The following TLDC2 variants were observed in gnomAD, a reference collection of about 807,000 sequenced individuals.
TLDC2 encodes the protein TBC/LysM-associated domain containing 2.
In TLDC2, 23 loss-of-function variants were observed where a neutral mutation model predicts 27.9. The ratio of observed to expected loss-of-function variants is 0.82; its 90% CI spans 0.59 to 1.17. The LOEUF (loss-of-function observed/expected upper bound fraction) is 1.17. Among genes scored for constraint, TLDC2 ranks in the 50% most tolerant of loss-of-function variants. The pLI is 0.00. For missense variants in TLDC2, 286 were observed against 273.4 expected (o/e 1.05, Z -0.32); for synonymous variants, 124 against 107.4 (o/e 1.16, Z -0.96).
Position 36,892,944 on chromosome 20 carries a change from A to G in TLDC2, c.*100A>G, listed in dbSNP as rs770049426. 1 of 1,614,044 alleles carries G rather than the reference A, an allele frequency of 6.2e-7. No individual in the cohort carries two copies. Among genetic ancestry groups the G allele is most frequent in the South Asian group, 1.1e-5 (1 of 91,058 alleles). ...TGACTACAGACATTCACATTGGGTC[A>G]TCTTTAAAAAGCTGGACTCTGCTTT... is the stretch of plus-strand genomic sequence containing the variant. On this transcript the variant is annotated 3_prime_UTR_variant, in exon 7 of 7. Transcript: ENST00000217320.
In TLDC2 at chr20:36,893,256, C is replaced by T. The variant is rs16986361; in HGVS notation, c.*412C>T. The T allele has an allele frequency of 4.8e-3, 3,229 of 670,522 alleles. 78 individuals carry two copies. The African/African-American group carries it at 0.052, about 11-fold the overall frequency. 41.5% of individuals were successfully genotyped at this position (670,522 alleles called of 1,614,324 possible). A position where few individuals can be genotyped will look rare whatever the true frequency, so the allele number is the denominator to read the frequency against. Reference sequence around the variant, plus strand: ...GCAAATTAGAAACACTACAGTCTTACGCAGGAAGAGCCTTCATGAAAACAG... The same window carrying T: ...GCAAATTAGAAACACTACAGTCTTATGCAGGAAGAGCCTTCATGAAAACAG... On this transcript the variant is annotated 3_prime_UTR_variant, in exon 7 of 7. Transcript: ENST00000217320.
At chr20:36,884,705 C>T (rs1989882875) in intron 4 of TLDC2, among the ~76,000 whole-genome samples, 1 of 141,700 alleles carries the variant, frequency 7.1e-6, no homozygotes, top group South Asian at 2.1e-4. Context: ...CTGCAGTGAG[C>T]TGTCATTGCT....
chr20:36,881,080 G>T (rs1989804514), intron 4 of TLDC2, among the ~76,000 whole-genome samples: 1 of 152,190 alleles, frequency 6.6e-6, no homozygotes, highest in Non-Finnish European at 1.5e-5. Context: ...CACAGCCAAT[G>T]GCTTCTCAGG....
intron 4 of TLDC2, among the ~76,000 whole-genome samples, chr20:36,881,600 A>G (rs1332315913): frequency 6.6e-6 from 1 of 152,222 alleles, no homozygotes; most frequent in East Asian, 1.9e-4. Context: ...CAGAGGGGAC[A>G]GCAGAGAGTG....
At chr20:36,881,409 G>A (rs1038454503) in intron 4 of TLDC2, among the ~76,000 whole-genome samples, 1 of 151,984 alleles carries the variant, frequency 6.6e-6, no homozygotes, top group Non-Finnish European at 1.5e-5. Flanking sequence ...TATGGGGTGA[G>A]GTCATTGCTG....
chr20:36,877,298 T>C (rs1989692195), intron 1 of TLDC2, among the ~76,000 whole-genome samples: 1 of 151,410 alleles, frequency 6.6e-6, no homozygotes, highest in Non-Finnish European at 1.5e-5. Context: ...AGAGAATTGC[T>C]TTAACCTGGG....
chr20:36,876,431 C>T lies in TLDC2; in HGVS notation c.33+224C>T, dbSNP rs144072439. Among the ~76,000 whole-genome samples the T allele has an allele frequency of 9.3e-3, 1,421 of 152,340 alleles. 7 individuals are homozygous for T. Among genetic ancestry groups the T allele is most frequent in the Middle Eastern group, 0.031 (9 of 294 alleles). ...AAGGGGGACAGACCGATGTCTCTGT[C>T]CCTTCCTCCCTGGAGTGGGTGCTGG... On this transcript the variant is annotated intron_variant, in intron 1 of 6. Transcript: ENST00000217320.
chr20:36,893,037 T>C lies in TLDC2; in HGVS notation c.*193T>C, dbSNP rs766253283. On this transcript the variant is annotated 3_prime_UTR_variant, in exon 7 of 7. Transcript: ENST00000217320. Reference sequence around the variant, plus strand: ...TGTCGTTCCATTCCTTTTTTTGAGGTGTTATGAGTGGGGCTATAACATCGC... The same window carrying C: ...TGTCGTTCCATTCCTTTTTTTGAGGCGTTATGAGTGGGGCTATAACATCGC... 6.2e-7 allele frequency: 1 copy of C among 1,613,866 alleles called. No individual in the cohort carries two copies. Among genetic ancestry groups the C allele is most frequent in the South Asian group, 1.1e-5 (1 of 91,064 alleles).
rs570535296 is a variant in TLDC2 at position 36,892,828 on chromosome 20, C to G, written c.*18-34C>G. ...TCAGCATGCGTGTACATTCAAAATA[C>G]AAAATTAAAGCATGAGTTGTCATTA... On this transcript the variant is annotated intron_variant, in intron 6 of 6. Transcript: ENST00000217320. The G allele has an allele frequency of 2.4e-5, 35 of 1,469,142 alleles. No individual in the cohort carries two copies. The highest frequency in any genetic ancestry group is 3.1e-5 in the Non-Finnish European group (32 of 1,048,244). The allele number at this position is 1,469,142 out of a possible 1,614,324, so 91.0% of individuals were successfully genotyped here. A position where few individuals can be genotyped will look rare whatever the true frequency, so the allele number is the denominator to read the frequency against.
chr20:36,892,395 T>C (rs1990098092), intron 6 of TLDC2: 1 of 192,474 alleles, frequency 5.2e-6, no homozygotes, highest in Non-Finnish European at 1.1e-5. Flanking sequence ...TTTGATGTTT[T>C]GTTTTTAGCC....
intron 4 of TLDC2, among the ~76,000 whole-genome samples, chr20:36,886,781 C>T (rs1401232614): frequency 6.6e-6 from 1 of 152,048 alleles, no homozygotes; most frequent in African/African-American, 2.4e-5. Flanking sequence ...GCTGGGATTA[C>T]AGGCATGAGC....
At chr20:36,877,049 C>A (rs1429770134) in intron 1 of TLDC2, among the ~76,000 whole-genome samples, 3 of 152,096 alleles carry the variant, frequency 2.0e-5, no homozygotes, top group Non-Finnish European at 2.9e-5. Context: ...ATGGGGAAAC[C>A]TTTGGGCTTC....
intron 4 of TLDC2, among the ~76,000 whole-genome samples, chr20:36,881,565 G>A (rs1989817086): frequency 6.6e-6 from 1 of 152,228 alleles, no homozygotes; most frequent in Non-Finnish European, 1.5e-5. Flanking sequence ...CCACTTCAGT[G>A]CATCGGCTGC....
rs1361262292 is a variant in TLDC2 at position 36,892,854 on chromosome 20, A to C, written c.*18-8A>C. 2.6e-6 allele frequency: 4 copies of C among 1,566,314 alleles called. No individual in the cohort carries two copies. The East Asian group carries it at 9.0e-5, about 35-fold the overall frequency. ...AAAATTAAAGCATGAGTTGTCATTA[A>C]TTTGCAGAATTCTATGATTGAAGCC... On this transcript the variant is annotated splice_polypyrimidine_tract_variant and splice_region_variant and intron_variant, in intron 6 of 6. Coordinates refer to ENST00000217320, the MANE Select transcript of TLDC2 (RefSeq NM_080628.3).
At chr20:36,892,837 A>T (rs147220022) in intron 6 of TLDC2, 25 bp from the exon 7 acceptor site, 2 of 1,485,832 alleles carry the variant, frequency 1.3e-6, no homozygotes, top group Admixed American at 1.7e-5. Flanking sequence ...ACAAAATTAA[A>T]GCATGAGTTG....
chr20:36,882,580 C>T (rs144971354), intron 4 of TLDC2, among the ~76,000 whole-genome samples: 135 of 152,214 alleles, frequency 8.9e-4, no homozygotes, highest in Non-Finnish European at 1.6e-3. Flanking sequence ...TCCAGGTATT[C>T]TGCTATTAGA....
Position 36,893,664 on chromosome 20 carries a change from T to C in TLDC2, c.*820T>C. On this transcript the variant is annotated 3_prime_UTR_variant, in exon 7 of 7. Coordinates refer to ENST00000217320, the MANE Select transcript of TLDC2 (RefSeq NM_080628.3). Reference sequence around the variant, plus strand: ...GAAGCAAGGCCTCCTAATACTTGACTCTATGCTAAACTGTTCTGAACTTGT... The same window carrying C: ...GAAGCAAGGCCTCCTAATACTTGACCCTATGCTAAACTGTTCTGAACTTGT... The C allele has an allele frequency of 2.6e-6, 1 of 387,694 alleles. No homozygotes were observed. Among genetic ancestry groups the C allele is most frequent in the Admixed American group, 4.3e-5 (1 of 23,326 alleles). 24.0% of individuals were successfully genotyped at this position (387,694 alleles called of 1,614,324 possible).
At position 36,893,831 on chromosome 20, in the gene TLDC2, C is replaced by T. The variant is rs1990140472; in HGVS notation, c.*987C>T. 2.5e-6 allele frequency: 1 copy of T among 398,520 alleles called. No homozygotes were observed. The highest frequency in any genetic ancestry group is 2.1e-5 in the African/African-American group (1 of 48,642). 24.7% of individuals were successfully genotyped at this position (398,520 alleles called of 1,614,324 possible). A position where few individuals can be genotyped will look rare whatever the true frequency, so the allele number is the denominator to read the frequency against. On this transcript the variant is annotated 3_prime_UTR_variant, in exon 7 of 7. Transcript: ENST00000217320. Reference sequence around the variant, plus strand: ...CCATTCTTCACTCTTCCTCTCCCTACTCTGTCTCACAGGAGCTACTCCGGT... The same window carrying T: ...CCATTCTTCACTCTTCCTCTCCCTATTCTGTCTCACAGGAGCTACTCCGGT...
intron 6 of TLDC2, chr20:36,890,415 T>TTTCTTTCTTTCTTTCTTTCTTTCTTTCC (rs1990041299): frequency 6.7e-6 from 1 of 149,804 alleles, no homozygotes; most frequent in African/African-American, 2.5e-5. Flanking sequence ...TCTTTCTTTC[T>TTTCTTTCTTTCTTTCTTTCTTTCTTTCC]TTCTTTTCTT....
Sources: gnomAD v4.1 joint callset for allele counts (sites outside exome capture counted in the v4.1 genomes callset) on GRCh38, gnomAD v4.1.1 for gene constraint, MANE v1.5 for transcripts, NCBI Gene and HGNC (gene_info 2026-07-23, HGNC 2026-07-21) for gene names.